Variants in ATP6V0A2 observed in about 807,000 individuals in gnomAD.
ATP6V0A2 encodes V-type proton ATPase 116 kDa subunit a 2.
Under a neutral mutation model 104.4 loss-of-function variants are expected in ATP6V0A2, and 58 were observed. The ratio of observed to expected loss-of-function variants is 0.56; its 90% CI spans 0.45 to 0.69. The LOEUF (loss-of-function observed/expected upper bound fraction) is 0.69, where lower values mean the gene tolerates loss of function less well. Ranked by LOEUF, ATP6V0A2 falls within the 30% of genes least tolerant of loss-of-function variation. ATP6V0A2 has a pLI of 0.00. For missense variants in ATP6V0A2, 938 were observed against 1,062.9 expected (o/e 0.88, Z 1.63); for synonymous variants, 376 against 397.9 (o/e 0.95, Z 0.65).
intron 14 of ATP6V0A2, among the ~76,000 whole-genome samples, 160 bp from the exon 15 acceptor site, chr12:123,748,415 C>T (rs899462437): frequency 6.6e-6 from 1 of 152,302 alleles, no homozygotes; most frequent in African/African-American, 2.4e-5. Context: ...GTCTCTTCCT[C>T]GTAGATGTAT....
At position 123,761,487 on chromosome 12, in the gene ATP6V0A2, C is replaced by T. The variant is rs1303665566; in HGVS notation, c.*3455C>T. On this transcript the variant is annotated 3_prime_UTR_variant, in exon 20 of 20. Transcript: ENST00000330342. ...AGGCAGTTTGAACGAACAGTCTTCC[C>T]ACAGTCAGGCCATTTTTGCTGATTT... The T allele has an allele frequency of 4.6e-5, 7 of 152,166 alleles. No homozygotes were observed. Among genetic ancestry groups the T allele is most frequent in the Admixed American group, 4.6e-4 (7 of 15,272 alleles). The allele number at this position is 152,166 out of a possible 1,614,324, so 9.4% of individuals were successfully genotyped here.
intron 9 of ATP6V0A2, among the ~76,000 whole-genome samples, chr12:123,741,387 G>A (rs1469418954): frequency 6.6e-6 from 1 of 151,644 alleles, no homozygotes; most frequent in African/African-American, 2.4e-5. Flanking sequence ...AGAGGCGGAG[G>A]TTTAAAAAAA....
chr12:123,729,703 G>A (rs986232849), intron 6 of ATP6V0A2, among the ~76,000 whole-genome samples: 13 of 152,154 alleles, frequency 8.5e-5, no homozygotes, highest in African/African-American at 3.1e-4. Context: ...TTAATTTTGA[G>A]GAAAGGTTGT....
At position 123,724,794 on chromosome 12, in the gene ATP6V0A2, A is replaced by G; in HGVS notation, c.432+3A>G. 3 of 1,613,322 alleles carry G rather than the reference A, an allele frequency of 1.9e-6. No homozygotes were observed. The highest frequency in any genetic ancestry group is 1.1e-5 in the South Asian group (1 of 91,070). On this transcript the variant is annotated splice_donor_region_variant and intron_variant, in intron 4 of 19. Coordinates refer to ENST00000330342, the MANE Select transcript of ATP6V0A2 (RefSeq NM_012463.4). ...CCTTTGTGAAACGCAATGTTGAGGT[A>G]CTGAACAGCTCGTGAGGAAATACAG...
chr12:123,747,861 G>A (rs577340129), intron 14 of ATP6V0A2, 136 bp downstream of exon 14: 3 of 657,434 alleles, frequency 4.6e-6, no homozygotes, highest in East Asian at 5.4e-5. Context: ...TTCTGTTGAA[G>A]TTATTTAGAT....
chr12:123,736,185 CTTT>C (rs75644082), intron 8 of ATP6V0A2, among the ~76,000 whole-genome samples: 7 of 81,892 alleles, frequency 8.5e-5, no homozygotes, highest in Admixed American at 1.7e-4. Context: ...GATTGTGATT[CTTT>C]TTTTTTTTTT....
intron 9 of ATP6V0A2, among the ~76,000 whole-genome samples, chr12:123,740,307 T>G (rs1956596912): frequency 6.6e-6 from 1 of 151,676 alleles, no homozygotes; most frequent in African/African-American, 2.4e-5. Context: ...CAGGTTCAAG[T>G]GATTCTCATG....
At chr12:123,753,510 G>T (rs538391939) in intron 17 of ATP6V0A2, among the ~76,000 whole-genome samples, 15 of 152,338 alleles carry the variant, frequency 9.8e-5, no homozygotes, top group African/African-American at 3.6e-4. Context: ...TGTTTCTCCT[G>T]CTCTTCCCAG....
chr12:123,726,232 G>A lies in ATP6V0A2; in HGVS notation c.468G>A (p.Glu156=), dbSNP rs1432504677. 6.2e-7 allele frequency: 1 copy of A among 1,613,732 alleles called. No homozygotes were observed. The highest frequency in any genetic ancestry group is 2.2e-5 in the East Asian group (1 of 44,874). The change falls in exon 5 of 20, where the codon GAG becomes GAA. Residue 156 remains glutamate, a synonymous_variant. Coordinates refer to ENST00000330342, the MANE Select transcript of ATP6V0A2 (RefSeq NM_012463.4). ...EPTYEEFPSL[E]SDSLLDYSCM... The stretch of plus-strand genomic sequence containing the variant: ...CTTATGAAGAATTCCCTTCCTTAGA[G>A]AGTGATTCTTTGTTGGATTACAGCT...
chr12:123,712,992 T>C (rs1321479800), intron 1 of ATP6V0A2, among the ~76,000 whole-genome samples: 2 of 151,750 alleles, frequency 1.3e-5, no homozygotes, highest in Non-Finnish European at 2.9e-5. Context: ...CCTCTTGGAG[T>C]CCTTTTGGAA....
chr12:123,720,680 G>A (rs1049451345), intron 2 of ATP6V0A2, among the ~76,000 whole-genome samples: 1 of 151,984 alleles, frequency 6.6e-6, no homozygotes, highest in Non-Finnish European at 1.5e-5. Context: ...TGGGCAGCAG[G>A]GTATGACCCC....
chr12:123,714,316 A>T (rs1956320100), intron 1 of ATP6V0A2, among the ~76,000 whole-genome samples: 1 of 152,162 alleles, frequency 6.6e-6, no homozygotes, highest in Admixed American at 6.5e-5. Flanking sequence ...AGGAAGTAAA[A>T]CTAAGGTTGC....
intron 6 of ATP6V0A2, chr12:123,731,604 G>A (rs926059835): frequency 6.8e-6 from 1 of 146,522 alleles, no homozygotes; most frequent in African/African-American, 2.6e-5. Context: ...CCAGCAAAGT[G>A]TTGGGATTAC....
chr12:123,747,418 T>C (rs1253657916), intron 13 of ATP6V0A2, among the ~76,000 whole-genome samples, 189 bp from the exon 14 acceptor site: 1 of 152,208 alleles, frequency 6.6e-6, no homozygotes, highest in Non-Finnish European at 1.5e-5. Flanking sequence ...AAAATTGTTT[T>C]GTAATTGTCT....
intron 9 of ATP6V0A2, among the ~76,000 whole-genome samples, chr12:123,741,667 AG>A (rs1956610606): frequency 6.6e-6 from 1 of 152,100 alleles, no homozygotes. Flanking sequence ...TCTCTACAAA[AG>A]ACGGTGTCTG....
intron 9 of ATP6V0A2, among the ~76,000 whole-genome samples, chr12:123,743,086 C>T (rs922153566): frequency 7.9e-5 from 12 of 151,990 alleles, no homozygotes; most frequent in Admixed American, 3.9e-4. Flanking sequence ...CTTTCTTCAC[C>T]GTTTTTAAGA....
chr12:123,715,852 C>G (rs1956333917), intron 1 of ATP6V0A2, among the ~76,000 whole-genome samples: 1 of 152,160 alleles, frequency 6.6e-6, no homozygotes, highest in Non-Finnish European at 1.5e-5. Context: ...ACACAGAAAT[C>G]ATGACTAACT....
intron 5 of ATP6V0A2, among the ~76,000 whole-genome samples, chr12:123,726,552 A>G (rs1444836477): frequency 5.9e-5 from 9 of 152,258 alleles, no homozygotes; most frequent in Admixed American, 2.0e-4. Context: ...TGTTACTTCT[A>G]TAAGCCTAAA....
chr12:123,717,291 G>A (rs1184234498), intron 1 of ATP6V0A2, among the ~76,000 whole-genome samples: 3 of 139,740 alleles, frequency 2.1e-5, no homozygotes, highest in Non-Finnish European at 4.5e-5. Flanking sequence ...TTCCAGCCTG[G>A]GCAACAGAGC....
Sources: gnomAD v4.1 joint callset for allele counts (sites outside exome capture counted in the v4.1 genomes callset) on GRCh38, gnomAD v4.1.1 for gene constraint, MANE v1.5 for transcripts, NCBI Gene and HGNC (gene_info 2026-07-23, HGNC 2026-07-21) for gene names.